Variants in LSM4 observed in about 807,000 individuals in gnomAD.
LSM4 encodes the protein LSM4 homolog, U6 small nuclear RNA and mRNA degradation associated, also known as U6 snRNA-associated Sm-like protein LSm4.
Under a neutral mutation model 22.3 loss-of-function variants are expected in LSM4, and 15 were observed. The observed-to-expected ratio is 0.67, with a 90% CI of 0.45 to 1.03. The LOEUF (loss-of-function observed/expected upper bound fraction) is 1.03. LSM4 is among the 50% of genes least tolerant of loss of function. LSM4 has a pLI of 0.00. For missense variants in LSM4, 127 were observed against 198.0 expected (o/e 0.64, Z 2.15); for synonymous variants, 90 against 79.8 (o/e 1.13, Z -0.68).
intron 2 of LSM4, among the ~76,000 whole-genome samples, chr19:18,315,158 T>C (rs1402650551): frequency 6.6e-6 from 1 of 151,726 alleles, no homozygotes; most frequent in African/African-American, 2.4e-5. Context: ...ATTACAGGCA[T>C]AGAGCCACCA....
intron 4 of LSM4, among the ~76,000 whole-genome samples, chr19:18,308,212 C>T (rs959503577): frequency 3.3e-5 from 5 of 152,118 alleles, no homozygotes; most frequent in Admixed American, 1.3e-4. Flanking sequence ...GACGCTACAG[C>T]GGCACCTCCA....
At chr19:18,321,673 T>C (rs1231083198) in intron 1 of LSM4, among the ~76,000 whole-genome samples, 2 of 152,174 alleles carry the variant, frequency 1.3e-5, no homozygotes, top group Admixed American at 6.5e-5. Context: ...CTCCCCAAAT[T>C]GCTCCTTGGG....
Position 18,323,048 on chromosome 19 carries a change from C to T in LSM4, c.-28G>A. The T allele has an allele frequency of 6.5e-7, 1 of 1,531,650 alleles. No homozygotes were observed. The highest frequency in any genetic ancestry group is 1.2e-5 in the South Asian group (1 of 83,498). 94.9% of individuals were successfully genotyped at this position (1,531,650 alleles called of 1,614,324 possible). A position where few individuals can be genotyped will look rare whatever the true frequency, so the allele number is the denominator to read the frequency against. On this transcript the variant is annotated 5_prime_UTR_variant, in exon 1 of 5. Coordinates refer to ENST00000593829, the MANE Select transcript of LSM4 (RefSeq NM_012321.5). The stretch of plus-strand genomic sequence containing the variant: ...TGCCGGCGGGGACCGGGCTCGCCGG[C>T]CACTTCCGCCGCCGCCGCTGCACAC...
chr19:18,309,530 C>T (rs1205521787), intron 4 of LSM4, 148 bp downstream of exon 4: 8 of 824,610 alleles, frequency 9.7e-6, no homozygotes, highest in Non-Finnish European at 1.5e-5. Context: ...TCTGCCTGGG[C>T]CTCGGCTCAT....
chr19:18,312,365 A>C (rs1216194388), intron 3 of LSM4: 1 of 484,302 alleles, frequency 2.1e-6, no homozygotes, highest in Non-Finnish European at 3.8e-6. Flanking sequence ...CTTCCAGGTC[A>C]GGGGTGGCAC....
intron 4 of LSM4, 91 bp from the exon 5 acceptor site, chr19:18,307,646 C>G (rs967576393): frequency 6.5e-6 from 6 of 923,058 alleles, no homozygotes; most frequent in Non-Finnish European, 9.2e-6. Context: ...GCCAGGTCAC[C>G]TAAGTCTCCA....
intron 1 of LSM4, 86 bp from the exon 2 acceptor site, chr19:18,316,151 T>TGGTGC (rs766316223): frequency 6.2e-6 from 8 of 1,284,092 alleles, no homozygotes; most frequent in East Asian, 4.8e-5. Flanking sequence ...GACTCATAGA[T>TGGTGC]GGTGCGGTGC....
intron 3 of LSM4, among the ~76,000 whole-genome samples, chr19:18,311,347 C>T (rs1970295654): frequency 6.6e-6 from 1 of 152,142 alleles, no homozygotes; most frequent in African/African-American, 2.4e-5. Flanking sequence ...TGTGAGTTCC[C>T]ATCGCCTCTC....
intron 3 of LSM4, among the ~76,000 whole-genome samples, chr19:18,310,376 C>G (rs1970285609): frequency 6.6e-6 from 1 of 152,220 alleles, no homozygotes; most frequent in South Asian, 2.1e-4. Context: ...AGGGCCTGCG[C>G]TGGGTGCAGG....
chr19:18,319,142 T>G (rs911898103), intron 1 of LSM4, among the ~76,000 whole-genome samples: 2 of 151,802 alleles, frequency 1.3e-5, no homozygotes, highest in Non-Finnish European at 2.9e-5. Context: ...CTCAGGAGGC[T>G]GAGGCAGGAG....
At chr19:18,312,847 C>G (rs1970313495) in intron 2 of LSM4, 145 bp from the exon 3 acceptor site, 5 of 635,268 alleles carry the variant, frequency 7.9e-6, no homozygotes, top group East Asian at 2.8e-5. Flanking sequence ...GCCTTCCTTA[C>G]AGGCGACAGG....
intron 3 of LSM4, among the ~76,000 whole-genome samples, chr19:18,311,368 CAT>C (rs1568297622): frequency 6.6e-6 from 1 of 152,194 alleles, no homozygotes; most frequent in Non-Finnish European, 1.5e-5. Context: ...CTCCCAGCCA[CAT>C]GTGACGGCAG....
At chr19:18,309,540 T>C (rs1970273094) in intron 4 of LSM4, 138 bp downstream of exon 4, 7 of 927,268 alleles carry the variant, frequency 7.5e-6, no homozygotes, top group Admixed American at 3.1e-5. Context: ...CCTCGGCTCA[T>C]GGCCAAGGAC....
chr19:18,308,565 C>T (rs1970259177), intron 4 of LSM4, among the ~76,000 whole-genome samples: 1 of 152,216 alleles, frequency 6.6e-6, no homozygotes, highest in East Asian at 1.9e-4. Flanking sequence ...GGCAGCATAG[C>T]TCAGGCCCTC....
At position 18,307,473 on chromosome 19, in the gene LSM4, G is replaced by A. The variant is rs776149751; in HGVS notation, c.411C>T (p.Gly137=). Residue 137 remains glycine (G), a synonymous_variant, in exon 5 of 5, where the codon GGC becomes GGT. Transcript: ENST00000593829. ...CGGTCTGGGTGGGCGCTCACTGTTTGCCCGCCTGTCTGCCAGGCTTCTTCT... is the reference window on the plus strand; with the variant it reads ...CGGTCTGGGTGGGCGCTCACTGTTTACCCGCCTGTCTGCCAGGCTTCTTCT... The part of the protein sequence containing the change: ...QPEKKPGRQA[G]KQ The A allele has an allele frequency of 1.3e-4, 194 of 1,544,070 alleles. No individual in the cohort carries two copies. Among genetic ancestry groups the A allele is most frequent in the Non-Finnish European group, 1.6e-4 (184 of 1,146,542 alleles).
At chr19:18,312,407 G>A (rs1970307994) in intron 3 of LSM4, 197 bp downstream of exon 3, 2 of 543,396 alleles carry the variant, frequency 3.7e-6, no homozygotes. Flanking sequence ...GTCTCCCACA[G>A]GGTCAAAGTC....
At chr19:18,307,639 A>ACGCCACCCTCACCACAGGCCAGGCCT in intron 4 of LSM4, 84 bp from the exon 5 acceptor site, 2 of 971,838 alleles carry the variant, frequency 2.1e-6, no homozygotes, top group South Asian at 4.0e-5. Context: ...ACTCTAGGCC[A>ACGCCACCCTCACCACAGGCCAGGCCT]GGTCACCTAA....
chr19:18,311,424 T>C (rs986017781), intron 3 of LSM4, among the ~76,000 whole-genome samples: 4 of 152,072 alleles, frequency 2.6e-5, no homozygotes, highest in African/African-American at 9.7e-5. Context: ...GGGAAAGCCA[T>C]CCGTCCACTC....
intron 1 of LSM4, among the ~76,000 whole-genome samples, chr19:18,317,060 A>C (rs1385479337): frequency 6.6e-6 from 1 of 151,992 alleles, no homozygotes; most frequent in African/African-American, 2.4e-5. Flanking sequence ...CAAGCCTGTC[A>C]CCCAGGCTGG....
Sources: allele counts gnomAD v4.1 joint callset (sites outside exome capture counted in the v4.1 genomes callset), GRCh38; gene constraint gnomAD v4.1.1; transcripts MANE v1.5; gene names NCBI Gene and HGNC (gene_info 2026-07-23, HGNC 2026-07-21).